The following LPIN1 variants were observed in gnomAD, a reference collection of about 807,000 sequenced individuals.
LPIN1 encodes the protein lipin 1, also known as phosphatidate phosphatase LPIN1.
Under a neutral mutation model 107.5 loss-of-function variants are expected in LPIN1, and 71 were observed. That is an observed-to-expected ratio of 0.66 (90% confidence interval 0.55 to 0.80). The LOEUF (loss-of-function observed/expected upper bound fraction) is 0.80, where lower values mean the gene tolerates loss of function less well. LPIN1 is among the 30% of genes least tolerant of loss of function. LPIN1 has a pLI of 0.00. For synonymous variants in LPIN1, 445 were observed against 452.6 expected, an observed-to-expected ratio of 0.98 and a Z score of 0.21; for missense variants, 1,043 against 1,160.6, an observed-to-expected ratio of 0.90 and a Z score of 1.47.
upstream of LPIN1, among the ~76,000 whole-genome samples, chr2:11,741,638 T>C (rs578053056): frequency 2.4e-4 from 37 of 152,198 alleles, 1 homozygote; most frequent in African/African-American, 7.5e-4. Context: ...AGTGAAACCC[T>C]GTCTCTACTA....
At chr2:11,718,777 T>C (rs1385627013) in intron 2 of LPIN1, among the ~76,000 whole-genome samples, 4 of 152,242 alleles carry the variant, frequency 2.6e-5, no homozygotes, top group African/African-American at 4.8e-5. Flanking sequence ...CACACTGATG[T>C]GCCTTGAGGT....
chr2:11,741,412 C>T (rs558255785), exon 2 of LPIN1: 16 of 1,550,306 alleles, frequency 1.0e-5, no homozygotes, highest in African/African-American at 8.2e-5. Context: ...CAACTAGAAA[C>T]CTCATCCATG....
At position 11,815,200 on chromosome 2, in the gene LPIN1, C is replaced by G; in HGVS notation, c.2362C>G (p.Leu788Val). 5 of 1,614,218 alleles carry G rather than the reference C, an allele frequency of 3.1e-6. No homozygotes were observed. The South Asian group carries it at 5.5e-5, about 18-fold the overall frequency. ...GGGCACGGTGCTGCCCCAGGGGCCC[C>G]TGCTGCTGAGTCCCAGCAGCCTCTT... The part of the protein sequence containing the change: ...ERGTVLPQGP[L>V]LLSPSSLFSA... The change falls in exon 18 of 21, where the codon CTG becomes GTG. Residue 788 changes from leucine (L) to valine (V), a missense_variant. Leu to Val is a conservative substitution (Grantham distance 32, BLOSUM62 1). Coordinates refer to ENST00000674199, the MANE Select transcript of LPIN1 (RefSeq NM_001349206.2).
chr2:11,742,836 G>A (rs960754308), upstream of LPIN1, among the ~76,000 whole-genome samples: 1 of 152,204 alleles, frequency 6.6e-6, no homozygotes, highest in Non-Finnish European at 1.5e-5. Context: ...GTGAGCTCCC[G>A]AGCTCCCCCG....
chr2:11,784,514 G>GT (rs776693278), intron 9 of LPIN1, among the ~76,000 whole-genome samples: 59 of 152,296 alleles, frequency 3.9e-4, no homozygotes, highest in Non-Finnish European at 4.1e-4. Flanking sequence ...AGTGGCAGCT[G>GT]TGCAGCCCTT....
At position 11,786,051 on chromosome 2, in the gene LPIN1, C is replaced by T. The variant is rs1029947612; in HGVS notation, c.1549+975C>T. Among the ~76,000 whole-genome samples the T allele has an allele frequency of 1.3e-5, 2 of 152,174 alleles. No individual in the cohort carries two copies. Among genetic ancestry groups the T allele is most frequent in the East Asian group, 1.9e-4 (1 of 5,176 alleles). On this transcript the variant is annotated intron_variant, in intron 10 of 20. Transcript: ENST00000674199. The surrounding 1 kb of genome is among the most constrained non-coding windows in gnomAD (Gnocchi z 4.1). ...CCCTGGGCGTTCCCTCCCTGATATA[C>T]ATGAGCTGGTGGGGGTGGGGTGGCA...
At chr2:11,691,529 G>A (rs547915558) in intron 1 of LPIN1, among the ~76,000 whole-genome samples, 6 of 152,230 alleles carry the variant, frequency 3.9e-5, no homozygotes, top group East Asian at 1.9e-4. Flanking sequence ...AGACTGTGCC[G>A]GGCCTGTGGC....
chr2:11,824,793 A>T lies in LPIN1; in HGVS notation c.*2A>T, dbSNP rs1181928192. 2 of 1,614,176 alleles carry T rather than the reference A, an allele frequency of 1.2e-6. No homozygotes were observed. Among genetic ancestry groups the T allele is most frequent in the Admixed American group, 3.3e-5 (2 of 60,028 alleles). On this transcript the variant is annotated 3_prime_UTR_variant, in exon 21 of 21. Coordinates refer to ENST00000674199, the MANE Select transcript of LPIN1 (RefSeq NM_001349206.2). ...GACATTCATTCTGCCTCAGCGTAAA[A>T]TGTCCCAAGCAGCCTCTTGCCAGCA...
At position 11,808,930 on chromosome 2, in the gene LPIN1, A is replaced by G. The variant is rs946312829; in HGVS notation, c.2249+3774A>G. On this transcript the variant is annotated intron_variant, in intron 17 of 20. Coordinates refer to ENST00000674199, the MANE Select transcript of LPIN1 (RefSeq NM_001349206.2). ...GAAAAAGCCAATCTTGCAGTTAGCCACTTGCCTGAAACAACAGTGAATAAG... is the reference window on the plus strand; with the variant it reads ...GAAAAAGCCAATCTTGCAGTTAGCCGCTTGCCTGAAACAACAGTGAATAAG... 3.9e-5 allele frequency among the ~76,000 whole-genome samples: 6 copies of G among 152,002 alleles called. No homozygotes were observed. In the East Asian group the frequency reaches 1.2e-3, roughly 29 times the overall value.
At chr2:11,751,862 AAAAC>A (rs968651408) in intron 1 of LPIN1, among the ~76,000 whole-genome samples, 1 of 152,192 alleles carries the variant, frequency 6.6e-6, no homozygotes, top group Non-Finnish European at 1.5e-5. Context: ...AAAACAAAAC[AAAAC>A]AAACAAACAA....
upstream of LPIN1, chr2:11,745,213 A>T (rs1666775662): frequency 6.6e-6 from 1 of 152,242 alleles, no homozygotes; most frequent in South Asian, 2.1e-4. Flanking sequence ...TTCATCAGTA[A>T]GCCTGTGGGT....
Position 11,782,278 on chromosome 2 carries a change from C to G in LPIN1, c.1035C>G (p.Ala345=), listed in dbSNP as rs767147259. The G allele has an allele frequency of 6.2e-7, 1 of 1,614,168 alleles. No individual in the cohort carries two copies. The highest frequency in any genetic ancestry group is 1.1e-5 in the South Asian group (1 of 91,086). ...RKICDKSHFQ[A]IHSESSDTFS... ...TTTGTGATAAAAGTCACTTTCAGGC[C>G]ATTCACAGCGAATCTTCAGACACTT... is the stretch of plus-strand genomic sequence containing the variant. The change falls in exon 8 of 21, where the codon GCC becomes GCG. Residue 345 remains alanine, a synonymous_variant. Transcript: ENST00000674199.
Position 11,765,030 on chromosome 2 carries a change from C to T in LPIN1, c.-9-503C>T, listed in dbSNP as rs1278728944. Among the ~76,000 whole-genome samples the T allele has an allele frequency of 6.6e-6, 1 of 152,180 alleles. No homozygotes were observed. Among genetic ancestry groups the T allele is most frequent in the Non-Finnish European group, 1.5e-5 (1 of 68,030 alleles). ...AGTTGGGGTGATAGGCCGTGATGGGCCATGATGGGCTGTGATGGATCCTGA... is the reference window on the plus strand; with the variant it reads ...AGTTGGGGTGATAGGCCGTGATGGGTCATGATGGGCTGTGATGGATCCTGA... On this transcript the variant is annotated intron_variant, in intron 1 of 20. Transcript: ENST00000674199. The surrounding 1 kb of genome is among the most constrained non-coding windows in gnomAD (Gnocchi z 4.4).
chr2:11,813,927 C>CAA (rs113707275), intron 17 of LPIN1, among the ~76,000 whole-genome samples: 2 of 142,552 alleles, frequency 1.4e-5, no homozygotes, highest in African/African-American at 5.1e-5. Context: ...AACAAATAAA[C>CAA]AAAAAAAAAA....
intron 1 of LPIN1, among the ~76,000 whole-genome samples, chr2:11,684,323 G>A (rs1165969138): frequency 1.3e-5 from 2 of 148,204 alleles, no homozygotes; most frequent in Non-Finnish European, 3.0e-5. Flanking sequence ...ACAGGTGTGT[G>A]CCACTGCAAC....
At chr2:11,808,956 G>C (rs1293902533) in intron 17 of LPIN1, among the ~76,000 whole-genome samples, 2 of 152,000 alleles carry the variant, frequency 1.3e-5, no homozygotes, top group African/African-American at 4.8e-5. Flanking sequence ...AGTGAATAAG[G>C]ACAATTTTGT....
chr2:11,741,593 T>C (rs1448381771), upstream of LPIN1, among the ~76,000 whole-genome samples: 2 of 151,678 alleles, frequency 1.3e-5, no homozygotes, highest in Non-Finnish European at 2.9e-5. Context: ...GGCGAAACCC[T>C]GTCTCTATAA....
At chr2:11,779,259 T>C (rs914732697) in intron 6 of LPIN1, among the ~76,000 whole-genome samples, 1 of 152,162 alleles carries the variant, frequency 6.6e-6, no homozygotes, top group Admixed American at 6.5e-5. Context: ...TCTTTTGTAT[T>C]CTGGGCCACT....
At chr2:11,777,270 G>C (rs1324584037) in intron 6 of LPIN1, 3 of 152,166 alleles carry the variant, frequency 2.0e-5, no homozygotes, top group Admixed American at 6.5e-5. Context: ...GTTTGTGCAC[G>C]AGACCTTTGG....
Sources: allele counts gnomAD v4.1 joint callset (sites outside exome capture counted in the v4.1 genomes callset), GRCh38; gene constraint gnomAD v4.1.1; non-coding constraint Gnocchi (gnomAD v3.1); transcripts MANE v1.5; gene names NCBI Gene and HGNC (gene_info 2026-07-23, HGNC 2026-07-21).